The following ZNF385D variants were observed in gnomAD, a reference collection of about 807,000 sequenced individuals.
The protein encoded by ZNF385D is zinc finger protein 659.
ZNF385D carries 15 observed loss-of-function variants against 35.8 expected under a neutral mutation model. The ratio of observed to expected loss-of-function variants is 0.42; its 90% CI spans 0.28 to 0.64. ZNF385D has a LOEUF of 0.64. ZNF385D is among the 30% of genes least tolerant of loss of function. ZNF385D has a pLI of 0.23. For missense variants in ZNF385D, 474 were observed against 494.6 expected (o/e 0.96, Z 0.39); for synonymous variants, 212 against 186.8 (o/e 1.13, Z -1.10).
chr3:21,692,882 G>T (rs754318455), intron 1 of ZNF385D, among the ~76,000 whole-genome samples: 3 of 152,142 alleles, frequency 2.0e-5, no homozygotes, highest in Non-Finnish European at 4.4e-5. Flanking sequence ...CTACTGTCCA[G>T]AATTTTATTA....
At chr3:21,832,238 AT>A (rs1394367930) in intron 3 of ZNF385D, among the ~76,000 whole-genome samples, 6 of 152,214 alleles carry the variant, frequency 3.9e-5, no homozygotes, top group African/African-American at 1.4e-4. Context: ...TCCAATAAAA[AT>A]AAAAAAAGAT....
At chr3:21,529,265 G>A (rs757172723) in intron 3 of ZNF385D, among the ~76,000 whole-genome samples, 4 of 152,068 alleles carry the variant, frequency 2.6e-5, no homozygotes, top group Non-Finnish European at 5.9e-5. Context: ...CAGTGCAATC[G>A]AATTTTGGTT....
intron 3 of ZNF385D, among the ~76,000 whole-genome samples, chr3:21,961,722 C>T (rs921504067): frequency 6.6e-6 from 1 of 152,092 alleles, no homozygotes; most frequent in Non-Finnish European, 1.5e-5. Flanking sequence ...AGGATTCTAA[C>T]ATGATCCAGG....
chr3:21,768,762 G>A (rs1039393305), intron 3 of ZNF385D, among the ~76,000 whole-genome samples: 2 of 151,848 alleles, frequency 1.3e-5, no homozygotes, highest in African/African-American at 4.8e-5. Context: ...CCATTGTTAC[G>A]AACCCACCGT....
chr3:22,013,404 C>A (rs995181404), intron 3 of ZNF385D, among the ~76,000 whole-genome samples: 5 of 152,178 alleles, frequency 3.3e-5, no homozygotes, highest in African/African-American at 1.2e-4. Context: ...CATATTATGG[C>A]AGTTAGAATA....
intron 2 of ZNF385D, among the ~76,000 whole-genome samples, chr3:21,584,065 C>G (rs929307890): frequency 6.6e-6 from 1 of 151,834 alleles, no homozygotes; most frequent in Non-Finnish European, 1.5e-5. Context: ...CCTCCACCTC[C>G]CGGGCTCAAG....
At chr3:21,951,305 G>A (rs1175228553) in intron 3 of ZNF385D, among the ~76,000 whole-genome samples, 1 of 151,458 alleles carries the variant, frequency 6.6e-6, no homozygotes, top group African/African-American at 2.4e-5. Context: ...TCTCTTTGTA[G>A]CAATTGTGAA....
intron 3 of ZNF385D, among the ~76,000 whole-genome samples, chr3:21,966,082 T>C (rs1217279597): frequency 6.6e-6 from 1 of 152,186 alleles, no homozygotes; most frequent in Non-Finnish European, 1.5e-5. Flanking sequence ...CTAGAGTAAA[T>C]TTTGCAAATC....
At chr3:21,529,189 A>T (rs550153894) in intron 3 of ZNF385D, among the ~76,000 whole-genome samples, 1 of 152,256 alleles carries the variant, frequency 6.6e-6, no homozygotes, top group South Asian at 2.1e-4. Flanking sequence ...ACCTGAAACT[A>T]GAGATAGAAT....
chr3:21,714,755 G>A (rs183605737), intron 1 of ZNF385D, among the ~76,000 whole-genome samples: 150 of 152,222 alleles, frequency 9.9e-4, no homozygotes, highest in African/African-American at 3.5e-3. Flanking sequence ...TTACAGCAAA[G>A]CTCCATGAGA....
chr3:22,306,448 T>C (rs1158910963), intron 2 of ZNF385D, among the ~76,000 whole-genome samples: 1 of 152,142 alleles, frequency 6.6e-6, no homozygotes, highest in Non-Finnish European at 1.5e-5. Flanking sequence ...TGGTCTATTT[T>C]CATCTCTTCT....
chr3:21,965,025 A>G (rs553939435), intron 3 of ZNF385D, among the ~76,000 whole-genome samples: 2 of 152,222 alleles, frequency 1.3e-5, no homozygotes, highest in Non-Finnish European at 2.9e-5. Context: ...AATTGGCAGC[A>G]TAATTAATAT....
intron 3 of ZNF385D, among the ~76,000 whole-genome samples, chr3:21,900,276 G>C (rs1699333098): frequency 6.6e-6 from 1 of 152,078 alleles, no homozygotes; most frequent in African/African-American, 2.4e-5. Context: ...TTTAACTCTA[G>C]TTGGATAACA....
chr3:22,063,710 T>C (rs554588344), intron 3 of ZNF385D, among the ~76,000 whole-genome samples: 4 of 152,312 alleles, frequency 2.6e-5, no homozygotes, highest in South Asian at 4.2e-4. Flanking sequence ...TCTCCAAGAA[T>C]TATACTTAGC....
At chr3:21,885,476 T>C (rs979039239) in intron 3 of ZNF385D, among the ~76,000 whole-genome samples, 3 of 151,948 alleles carry the variant, frequency 2.0e-5, no homozygotes, top group Non-Finnish European at 4.4e-5. Flanking sequence ...GACAATATTT[T>C]TACTGGGAAA....
intron 1 of ZNF385D, among the ~76,000 whole-genome samples, chr3:21,728,672 A>G (rs1035641885): frequency 2.0e-5 from 3 of 152,136 alleles, no homozygotes; most frequent in Non-Finnish European, 2.9e-5. Flanking sequence ...TTTACAGGTG[A>G]GAAAGTGTGG....
intron 4 of ZNF385D, among the ~76,000 whole-genome samples, chr3:21,454,256 G>C (rs922123974): frequency 6.6e-6 from 1 of 152,046 alleles, no homozygotes; most frequent in African/African-American, 2.4e-5. Flanking sequence ...AAAATGTTCT[G>C]GAATTAGAAA....
intron 2 of ZNF385D, among the ~76,000 whole-genome samples, chr3:22,304,000 A>T (rs938247027): frequency 6.6e-6 from 1 of 152,000 alleles, no homozygotes; most frequent in Non-Finnish European, 1.5e-5. Flanking sequence ...CTGGTCTCGA[A>T]CTCCTGACCT....
At chr3:22,342,650 A>G (rs1216742945) in intron 2 of ZNF385D, among the ~76,000 whole-genome samples, 1 of 152,232 alleles carries the variant, frequency 6.6e-6, no homozygotes, top group African/African-American at 2.4e-5. Flanking sequence ...TTATGCAAGA[A>G]AAGGAAAACA....
Sources: gnomAD v4.1 joint callset for allele counts (sites outside exome capture counted in the v4.1 genomes callset) on GRCh38, gnomAD v4.1.1 for gene constraint, MANE v1.5 for transcripts, NCBI Gene and HGNC (gene_info 2026-07-23, HGNC 2026-07-21) for gene names.